SLC9A6: variants seen among roughly 807,000 people sequenced by gnomAD.
SLC9A6 encodes solute carrier family 9 member A6, also known as sodium/hydrogen exchanger 6.
In SLC9A6, 6 loss-of-function variants were observed where a neutral mutation model predicts 45.3. The ratio of observed to expected loss-of-function variants is 0.13; its 90% CI spans 0.07 to 0.26. SLC9A6 has a LOEUF of 0.26. Among genes scored for constraint, SLC9A6 ranks in the 10% least tolerant of loss-of-function variants. SLC9A6 has a pLI of 1.00. For synonymous variants in SLC9A6, 191 were observed against 187.7 expected, an observed-to-expected ratio of 1.02 and a Z score of -0.14; for missense variants, 278 against 503.7, an observed-to-expected ratio of 0.55 and a Z score of 4.29.
chrX:136,032,306 A>G (rs1175825183), intron 15 of SLC9A6, among the ~76,000 whole-genome samples: 1 of 112,091 alleles, frequency 8.9e-6, no homozygotes, highest in Non-Finnish European at 1.9e-5. Flanking sequence ...TCCTGACCTC[A>G]AGTGATATAC....
chrX:136,025,119 C>T lies in SLC9A6; in HGVS notation c.1460+636C>T, dbSNP rs182456359. Among the ~76,000 whole-genome samples, 246 of 112,472 alleles carry T rather than the reference C, an allele frequency of 2.2e-3. 1 individual carries two copies. The highest frequency in any genetic ancestry group is 3.6e-3 in the Non-Finnish European group (192 of 53,316). On this transcript the variant is annotated intron_variant, in intron 13 of 17. Coordinates refer to ENST00000630721, the MANE Select transcript of SLC9A6 (RefSeq NM_001379110.1). ...GCAATGTATGAGACAATGCGGTTTA[C>T]TCCAACCCTAATCACTACTAGATAT... is the stretch of plus-strand genomic sequence containing the variant.
At chrX:136,033,628 A>G (rs1163495999) in intron 16 of SLC9A6, 135 bp downstream of exon 16, 1 of 343,343 alleles carries the variant, frequency 2.9e-6, no homozygotes, top group Non-Finnish European at 5.3e-6. Flanking sequence ...TTTCCCCATC[A>G]GTGCTGTGGA....
intron 1 of SLC9A6, among the ~76,000 whole-genome samples, chrX:135,976,716 G>A (rs2089265048): frequency 9.0e-6 from 1 of 111,727 alleles, no homozygotes. Context: ...CCTTTAAAAA[G>A]ATGAAGTTAT....
chrX:136,035,453 T>G (rs1354290123), intron 16 of SLC9A6, among the ~76,000 whole-genome samples: 8 of 112,143 alleles, frequency 7.1e-5, no homozygotes, highest in Non-Finnish European at 1.5e-4. Context: ...CTGTCTTGCT[T>G]CTTTCACTCG....
chrX:136,024,383 G>C lies in SLC9A6; in HGVS notation c.1360G>C (p.Ala454Pro). Residue 454 changes from alanine to proline, a missense_variant, in exon 13 of 18, where the codon GCA (alanine) becomes CCA (proline). Physicochemically the swap from Ala to Pro is conservative, Grantham distance 27 (BLOSUM62 -1). Around this residue, in one of 5 missense-constraint regions of SLC9A6, gnomAD observed 15 missense variants for 58.1 expected, o/e 0.26. Transcript: ENST00000630721. ...GGCCATTCGAGATACTGCCACTTATGCACGGCAAATGATGTTCAGCACCAC... is the reference window on the plus strand; with the variant it reads ...GGCCATTCGAGATACTGCCACTTATCCACGGCAAATGATGTTCAGCACCAC... The part of the protein sequence containing the change: ...ALAIRDTATY[A>P]RQMMFSTTLL... 8.3e-7 allele frequency: 1 copy of C among 1,210,652 alleles called. No individual in the cohort carries two copies. The highest frequency in any genetic ancestry group is 1.7e-5 in the African/African-American group (1 of 57,683).
chrX:135,991,333 C>T (rs1229593516), intron 2 of SLC9A6, among the ~76,000 whole-genome samples: 1 of 108,511 alleles, frequency 9.2e-6, no homozygotes, highest in Admixed American at 1.0e-4. Flanking sequence ...TCTCAACTCA[C>T]TGCAACCTCC....
At chrX:135,984,421 G>A (rs959444149), upstream of SLC9A6, among the ~76,000 whole-genome samples, 13 of 111,982 alleles carry the variant, frequency 1.2e-4, no homozygotes, top group Non-Finnish European at 9.4e-5. Context: ...GGGGCAGCAG[G>A]CCAGGGCTTG....
chrX:136,005,013 C>G (rs2089635797), intron 7 of SLC9A6, among the ~76,000 whole-genome samples: 3 of 112,149 alleles, frequency 2.7e-5, no homozygotes, highest in Non-Finnish European at 5.6e-5. Context: ...CTTTTAGCAT[C>G]GATTCCCTAT....
At chrX:136,002,073 G>A in intron 6 of SLC9A6, 35 bp from the exon 7 acceptor site, 1 of 908,372 alleles carries the variant, frequency 1.1e-6, no homozygotes, top group Non-Finnish European at 1.6e-6. Flanking sequence ...TATTTGTAAT[G>A]TCTAAGTATT....
intron 1 of SLC9A6, among the ~76,000 whole-genome samples, chrX:135,979,101 A>C (rs1358802698): frequency 9.0e-6 from 1 of 111,346 alleles, no homozygotes; most frequent in African/African-American, 3.3e-5. Flanking sequence ...TGCAGCACCC[A>C]ATTAAAGCTT....
At chrX:135,992,689 A>G (rs1187764258) in intron 2 of SLC9A6, among the ~76,000 whole-genome samples, 3 of 111,959 alleles carry the variant, frequency 2.7e-5, no homozygotes, top group African/African-American at 6.5e-5. Flanking sequence ...CTCTGGAAAG[A>G]CTTCCCTAAT....
At chrX:136,003,677 G>T (rs2089613861) in intron 7 of SLC9A6, among the ~76,000 whole-genome samples, 1 of 112,197 alleles carries the variant, frequency 8.9e-6, no homozygotes, top group African/African-American at 3.2e-5. Flanking sequence ...AAATCCATTT[G>T]TAATTTTGTT....
Position 136,042,748 on chromosome X carries a change from C to CT in SLC9A6, c.1768-1695dup, listed in dbSNP as rs1279218853. ...AATAGGCATATTGTCCCATTACTTG[C>CT]TTTTTTTTTCAATTACTGACACATC... is the stretch of plus-strand genomic sequence containing the variant. On this transcript the variant is annotated intron_variant, in intron 17 of 17. Transcript: ENST00000630721. Among the ~76,000 whole-genome samples, 153 of 108,578 alleles carry CT rather than the reference C, an allele frequency of 1.4e-3. 1 individual carries two copies. Among genetic ancestry groups the CT allele is most frequent in the Non-Finnish European group, 2.2e-3 (115 of 52,033 alleles). The allele number at this position is 108,578 out of a possible 115,157, so 94.3% of individuals were successfully genotyped here.
At chrX:136,001,640 T>C (rs12010946) in intron 6 of SLC9A6, among the ~76,000 whole-genome samples, 3,310 of 112,251 alleles carry the variant, frequency 0.029, 41 homozygotes, top group South Asian at 0.12. Context: ...TTTCATTTCC[T>C]ACTGTCTTTG....
intron 2 of SLC9A6, among the ~76,000 whole-genome samples, chrX:135,990,143 G>A (rs1205101337): frequency 9.1e-6 from 1 of 110,425 alleles, no homozygotes; most frequent in African/African-American, 3.3e-5. Flanking sequence ...CCGCCACCAC[G>A]CCTGGCTAAA....
chrX:135,985,882 G>T, intron 2 of SLC9A6, 55 bp downstream of exon 2: 2 of 1,181,840 alleles, frequency 1.7e-6, no homozygotes, highest in South Asian at 1.8e-5. Context: ...TCTGCCCGCC[G>T]GCTGCTTCGC....
chrX:136,010,777 G>A (rs2070905963), intron 8 of SLC9A6, among the ~76,000 whole-genome samples, 194 bp downstream of exon 8: 1 of 112,123 alleles, frequency 8.9e-6, no homozygotes, highest in South Asian at 3.7e-4. Context: ...GTTCTGCATA[G>A]GGTTTGGTGC....
chrX:136,039,437 TAAATG>T (rs1470773458), intron 16 of SLC9A6, among the ~76,000 whole-genome samples: 1 of 111,046 alleles, frequency 9.0e-6, no homozygotes, highest in Non-Finnish European at 1.9e-5. Flanking sequence ...TTTTGGCAAA[TAAATG>T]AATACTGAAA....
intron 13 of SLC9A6, among the ~76,000 whole-genome samples, chrX:136,027,942 A>G (rs1339879537): frequency 8.9e-6 from 1 of 112,271 alleles, no homozygotes; most frequent in Non-Finnish European, 1.9e-5. Context: ...TCTATCATTT[A>G]CTACACATGC....
Sources: gnomAD v4.1 joint callset for allele counts (sites outside exome capture counted in the v4.1 genomes callset) on GRCh38, gnomAD v4.1.1 for gene constraint, gnomAD v4.1.1 regional missense constraint, MANE v1.5 for transcripts, NCBI Gene and HGNC (gene_info 2026-07-23, HGNC 2026-07-21) for gene names.